The following RUNX2 variants were observed in gnomAD, a reference collection of about 807,000 sequenced individuals.
RUNX2 encodes the protein RUNX family transcription factor 2.
Under a neutral mutation model 51.7 loss-of-function variants are expected in RUNX2, and 10 were observed. That is an observed-to-expected ratio of 0.19 (90% confidence interval 0.12 to 0.33). RUNX2 has a LOEUF of 0.33. RUNX2 is among the 10% of genes least tolerant of loss of function. The pLI is 1.00. For synonymous variants in RUNX2, 276 were observed against 273.6 expected (o/e 1.01, Z -0.09); for missense variants, 562 against 691.3 (o/e 0.81, Z 2.10).
At position 45,547,627 on chromosome 6, in the gene RUNX2, T is replaced by C. The variant is rs1043591819; in HGVS notation, c.*322T>C. ...TTGGTCTGTTATCATCAATAACCTG[T>C]TCATATGCCAATTCAGAGAGGTGGA... On this transcript the variant is annotated 3_prime_UTR_variant, in exon 9 of 9. Transcript: ENST00000647337. 1 of 358,840 alleles carries C rather than the reference T, an allele frequency of 2.8e-6. No individual in the cohort carries two copies. Among genetic ancestry groups the C allele is most frequent in the African/African-American group, 2.1e-5 (1 of 47,376 alleles). The allele number at this position is 358,840 out of a possible 1,614,324, so 22.2% of individuals were successfully genotyped here.
At chr6:45,446,307 T>C (rs1404094271) in intron 5 of RUNX2, among the ~76,000 whole-genome samples, 1 of 152,192 alleles carries the variant, frequency 6.6e-6, no homozygotes, top group African/African-American at 2.4e-5. Context: ...AGTTGATATA[T>C]TTACTTCTAA....
chr6:45,530,544 A>G (rs1400451409), intron 7 of RUNX2, among the ~76,000 whole-genome samples: 4 of 152,362 alleles, frequency 2.6e-5, no homozygotes, highest in South Asian at 4.1e-4. Flanking sequence ...GTGCAGTTAG[A>G]TGACAGTGGA....
chr6:45,515,888 G>C (rs1354695841), intron 7 of RUNX2, among the ~76,000 whole-genome samples: 1 of 152,090 alleles, frequency 6.6e-6, no homozygotes, highest in Non-Finnish European at 1.5e-5. Flanking sequence ...GGGATCATAG[G>C]AATAGAAACA....
intron 2 of RUNX2, among the ~76,000 whole-genome samples, chr6:45,333,336 C>G (rs1490201942): frequency 6.6e-6 from 1 of 151,554 alleles, no homozygotes; most frequent in Non-Finnish European, 1.5e-5. Context: ...ACAGCACATA[C>G]ACATGAAACA....
chr6:45,400,800 C>T (rs371970223), intron 2 of RUNX2, among the ~76,000 whole-genome samples: 13 of 152,072 alleles, frequency 8.5e-5, no homozygotes, highest in East Asian at 5.9e-4. Context: ...TGAAGAATTA[C>T]AGTGCTGCAA....
intron 5 of RUNX2, among the ~76,000 whole-genome samples, chr6:45,463,158 G>A (rs1215289523): frequency 6.6e-6 from 1 of 152,128 alleles, no homozygotes; most frequent in Admixed American, 6.5e-5. Flanking sequence ...TAGTTCCTGG[G>A]TCACTTTTCT....
intron 2 of RUNX2, among the ~76,000 whole-genome samples, chr6:45,358,870 G>A (rs1036090373): frequency 1.3e-5 from 2 of 152,056 alleles, no homozygotes; most frequent in Non-Finnish European, 2.9e-5. Flanking sequence ...TTACAGCATG[G>A]ATCTACCATC....
chr6:45,440,917 A>G (rs1798825138), intron 5 of RUNX2, among the ~76,000 whole-genome samples: 1 of 152,176 alleles, frequency 6.6e-6, no homozygotes, highest in East Asian at 1.9e-4. Flanking sequence ...GATTAAGGAT[A>G]CTCGATCTGT....
chr6:45,456,114 G>A (rs1030778609), intron 5 of RUNX2, among the ~76,000 whole-genome samples: 17 of 151,936 alleles, frequency 1.1e-4, no homozygotes, highest in African/African-American at 4.1e-4. Flanking sequence ...AATTCAGAAA[G>A]CATTGAAAAA....
At chr6:45,456,825 A>G (rs1479790571) in intron 5 of RUNX2, among the ~76,000 whole-genome samples, 2 of 152,254 alleles carry the variant, frequency 1.3e-5, no homozygotes, top group African/African-American at 2.4e-5. Flanking sequence ...TGTAAAGCAG[A>G]CAGAGAAGAT....
intron 2 of RUNX2, among the ~76,000 whole-genome samples, chr6:45,336,878 A>G (rs1416804030): frequency 6.6e-6 from 1 of 151,578 alleles, no homozygotes; most frequent in East Asian, 1.9e-4. Context: ...TTTGATCCAG[A>G]AACATCTTAA....
At chr6:45,474,171 T>C (rs58602572) in intron 5 of RUNX2, among the ~76,000 whole-genome samples, 2,954 of 151,864 alleles carry the variant, frequency 0.019, 80 homozygotes, top group African/African-American at 0.067. Context: ...TTTTTTTTTT[T>C]CCCTTTGCCC....
rs150892388 is a variant in RUNX2 at position 45,466,822 on chromosome 6, G to C, written c.686-25119G>C. Among the ~76,000 whole-genome samples the C allele has an allele frequency of 4.9e-3, 739 of 152,236 alleles. 5 individuals carry two copies. The highest frequency in any genetic ancestry group is 0.015 in the South Asian group (72 of 4,822). ...ATAGAACCTTAGAGTTGTAACAAAG[G>C]CTGCTTTGATTCAGTTCATTTATTC... On this transcript the variant is annotated intron_variant, in intron 5 of 8. Coordinates refer to ENST00000647337, the MANE Select transcript of RUNX2 (RefSeq NM_001024630.4).
intron 3 of RUNX2, among the ~76,000 whole-genome samples, chr6:45,428,855 T>C (rs565953603): frequency 1.8e-4 from 27 of 150,082 alleles, no homozygotes; most frequent in Non-Finnish European, 2.2e-4. Flanking sequence ...TTTTTTTTTT[T>C]CGGAAATGTA....
intron 2 of RUNX2, among the ~76,000 whole-genome samples, chr6:45,380,243 A>C (rs1008761406): frequency 6.6e-6 from 1 of 152,268 alleles, no homozygotes; most frequent in African/African-American, 2.4e-5. Flanking sequence ...TAAGGCTTTG[A>C]TGACTACCAC....
intron 5 of RUNX2, among the ~76,000 whole-genome samples, chr6:45,485,708 T>TATATATATATATATATATAC: frequency 7.4e-6 from 1 of 135,290 alleles, no homozygotes; most frequent in Non-Finnish European, 1.6e-5. Context: ...TATATATATA[T>TATATATATATATATATATAC]ATATATATAC....
chr6:45,353,896 T>A, intron 2 of RUNX2, among the ~76,000 whole-genome samples: 1 of 149,592 alleles, frequency 6.7e-6, no homozygotes, highest in East Asian at 2.0e-4. Flanking sequence ...CTTTAGTATA[T>A]CAAAGGTCCT....
chr6:45,507,744 C>T (rs893840447), intron 6 of RUNX2, among the ~76,000 whole-genome samples: 2 of 152,142 alleles, frequency 1.3e-5, no homozygotes, highest in African/African-American at 4.8e-5. Flanking sequence ...AGGATATCAA[C>T]GTGACTAACA....
chr6:45,454,266 C>T (rs1252915807), intron 5 of RUNX2, among the ~76,000 whole-genome samples: 1 of 152,188 alleles, frequency 6.6e-6, no homozygotes, highest in African/African-American at 2.4e-5. Context: ...AGAAGCCCTT[C>T]TGTGGTATGG....
Sources: allele counts gnomAD v4.1 joint callset (sites outside exome capture counted in the v4.1 genomes callset), GRCh38; gene constraint gnomAD v4.1.1; transcripts MANE v1.5; gene names NCBI Gene and HGNC (gene_info 2026-07-23, HGNC 2026-07-21).